The following IRF8 variants were observed in gnomAD, a reference collection of about 807,000 sequenced individuals.
IRF8 encodes the protein interferon consensus sequence binding protein 1.
In IRF8, 14 loss-of-function variants were observed where a neutral mutation model predicts 48.7. The ratio of observed to expected loss-of-function variants is 0.29; its 90% CI spans 0.19 to 0.45. The LOEUF (loss-of-function observed/expected upper bound fraction) is 0.45, where lower values mean the gene tolerates loss of function less well. IRF8 is among the 20% of genes least tolerant of loss of function. The probability of loss-of-function intolerance (pLI) is 1.00; values close to 1 mark genes in which losing one functional copy is unlikely to be tolerated. For missense variants in IRF8, 493 were observed against 580.7 expected, an observed-to-expected ratio of 0.85 and a Z score of 1.55; for synonymous variants, 278 against 227.3, an observed-to-expected ratio of 1.22 and a Z score of -2.01.
intron 2 of IRF8, among the ~76,000 whole-genome samples, chr16:85,904,372 A>G (rs1341385229): frequency 6.6e-6 from 1 of 152,212 alleles, no homozygotes; most frequent in Non-Finnish European, 1.5e-5. Flanking sequence ...GGAGCCCATG[A>G]CAGTGCTGGA....
chr16:85,909,595 G>A (rs1034270730), intron 3 of IRF8: 2 of 249,966 alleles, frequency 8.0e-6, no homozygotes, highest in Non-Finnish European at 1.6e-5. Flanking sequence ...CATGGCCTTC[G>A]TTGTTGGAGA....
At chr16:85,919,066 GAGGGTAA>G (rs551822526) in intron 7 of IRF8, among the ~76,000 whole-genome samples, 56 of 152,300 alleles carry the variant, frequency 3.7e-4, no homozygotes, top group Non-Finnish European at 7.1e-4. Flanking sequence ...TGATTGTCGG[GAGGGTAA>G]AGGAACTTAA....
chr16:85,917,024 G>A (rs1443754743), intron 6 of IRF8, among the ~76,000 whole-genome samples: 1 of 152,190 alleles, frequency 6.6e-6, no homozygotes, highest in African/African-American at 2.4e-5. Context: ...AGCATGGCTG[G>A]AAATGGAGCC....
intron 1 of IRF8, among the ~76,000 whole-genome samples, chr16:85,899,576 G>A (rs1597247363): frequency 6.6e-6 from 1 of 152,274 alleles, no homozygotes; most frequent in East Asian, 1.9e-4. Context: ...TCATCCCACT[G>A]AAATTCTACC....
rs563140101 is a variant in IRF8 at position 85,920,281 on chromosome 16, C to T, written c.1104+57C>T. 6.9e-5 allele frequency: 74 copies of T among 1,075,184 alleles called. No individual in the cohort carries two copies. In the Middle Eastern group the frequency reaches 9.6e-4, roughly 14 times the overall value. The allele number at this position is 1,075,184 out of a possible 1,614,324, so 66.6% of individuals were successfully genotyped here. ...TTTTTTTTTGAGATGGAGTCTTGCT[C>T]TGTTGCCCAGGCTGGTGTGCAATGG... On this transcript the variant is annotated intron_variant, in intron 8 of 8. Coordinates refer to ENST00000268638, the MANE Select transcript of IRF8 (RefSeq NM_002163.4).
chr16:85,902,777 G>A, intron 1 of IRF8: 1 of 537,100 alleles, frequency 1.9e-6, no homozygotes, highest in Admixed American at 3.1e-5. Flanking sequence ...GCCTGCAGGG[G>A]GCTGCTGGTG....
At chr16:85,908,393 TA>T (rs945804600) in intron 2 of IRF8, among the ~76,000 whole-genome samples, 81 of 152,106 alleles carry the variant, frequency 5.3e-4, no homozygotes, top group African/African-American at 1.8e-3. Flanking sequence ...ACAGATCTAT[TA>T]AAAAAAACAC....
rs753896116 is a variant in IRF8 at position 85,921,090 on chromosome 16, T to C, written c.1105-16T>C. On this transcript the variant is annotated splice_polypyrimidine_tract_variant and intron_variant, in intron 8 of 8. Transcript: ENST00000268638. ...GCCTCCGCCTCTGCCTCTGACTTTC[T>C]GCACCTCCCATCTAGATTGAGCAGC... is the stretch of plus-strand genomic sequence containing the variant. 5 of 1,606,910 alleles carry C rather than the reference T, an allele frequency of 3.1e-6. No homozygotes were observed. In the African/African-American group the frequency reaches 6.7e-5, roughly 22 times the overall value.
intron 8 of IRF8, among the ~76,000 whole-genome samples, chr16:85,920,665 T>G (rs1905524324): frequency 6.6e-6 from 1 of 152,224 alleles, no homozygotes; most frequent in Non-Finnish European, 1.5e-5. Flanking sequence ...GGGCAAGACC[T>G]TCAATATGCG....
chr16:85,909,206 G>A (rs754048117), intron 3 of IRF8, 33 bp downstream of exon 3: 9 of 1,593,556 alleles, frequency 5.6e-6, no homozygotes, highest in Non-Finnish European at 7.7e-6. Flanking sequence ...AAACCTTCCA[G>A]AAGCTGCCCT....
Position 85,920,151 on chromosome 16 carries a change from G to C in IRF8, c.1031G>C (p.Gly344Ala). 6.2e-7 allele frequency: 1 copy of C among 1,614,126 alleles called. No individual in the cohort carries two copies. Among genetic ancestry groups the C allele is most frequent in the Non-Finnish European group, 8.5e-7 (1 of 1,180,004 alleles). The change falls in exon 8 of 9, where the codon GGC becomes GCC. Residue 344 changes from glycine (G) to alanine (A), a missense_variant. Physicochemically the swap from Gly to Ala is moderately conservative, Grantham distance 60. Around this residue, in one of 3 missense-constraint regions of IRF8, gnomAD observed 408 missense variants for 449.6 expected, o/e 0.91. Coordinates refer to ENST00000268638, the MANE Select transcript of IRF8 (RefSeq NM_002163.4). ...FYNSQGRLPD[G>A]RVVLCFGEEF... ...AACAGCCAGGGCCGGCTTCCTGACGGCAGGGTGGTGCTGTGCTTTGGGGAA... is the reference window on the plus strand; with the variant it reads ...AACAGCCAGGGCCGGCTTCCTGACGCCAGGGTGGTGCTGTGCTTTGGGGAA...
chr16:85,915,818 A>G (rs305070), intron 6 of IRF8, among the ~76,000 whole-genome samples: 20,699 of 152,164 alleles, frequency 0.14, 1,476 homozygotes, highest in Admixed American at 0.16. Flanking sequence ...CAGAGGCACA[A>G]TTTGGGGAGA....
At chr16:85,918,249 A>G (rs1905384764) in intron 6 of IRF8, 168 bp from the exon 7 acceptor site, 1 of 716,480 alleles carries the variant, frequency 1.4e-6, no homozygotes, top group Non-Finnish European at 2.3e-6. Context: ...ATTCATGCAT[A>G]TAAAAACATT....
chr16:85,913,044 A>G, intron 4 of IRF8, 87 bp from the exon 5 acceptor site: 3 of 957,460 alleles, frequency 3.1e-6, no homozygotes, highest in South Asian at 1.3e-5. Flanking sequence ...TTACTTACAC[A>G]TGAACTGTTC....
At chr16:85,902,271 C>T (rs1368225797) in intron 1 of IRF8, among the ~76,000 whole-genome samples, 1 of 152,134 alleles carries the variant, frequency 6.6e-6, no homozygotes, top group Non-Finnish European at 1.5e-5. Flanking sequence ...TGACATCTGG[C>T]ATGTAAGGTC....
intron 2 of IRF8, among the ~76,000 whole-genome samples, chr16:85,906,428 C>G (rs1819972447): frequency 6.6e-6 from 1 of 152,198 alleles, no homozygotes; most frequent in African/African-American, 2.4e-5. Flanking sequence ...GCTAAGTTGA[C>G]CTTTTAATGC....
At chr16:85,900,398 A>T (rs1038997662) in intron 1 of IRF8, among the ~76,000 whole-genome samples, 1 of 152,146 alleles carries the variant, frequency 6.6e-6, no homozygotes, top group African/African-American at 2.4e-5. Flanking sequence ...AGACTTATTA[A>T]TTTTTCCTGG....
chr16:85,914,784 G>A (rs1567475214), intron 6 of IRF8, among the ~76,000 whole-genome samples: 1 of 151,812 alleles, frequency 6.6e-6, no homozygotes, highest in Non-Finnish European at 1.5e-5. Flanking sequence ...GGATGAGCAG[G>A]ACCTCGTGTG....
intron 2 of IRF8, among the ~76,000 whole-genome samples, chr16:85,906,823 C>T (rs1179851229): frequency 1.3e-5 from 2 of 152,102 alleles, no homozygotes; most frequent in Admixed American, 1.3e-4. Flanking sequence ...GGGAGGGGTG[C>T]TATTGGCATC....
Sources: allele counts gnomAD v4.1 joint callset (sites outside exome capture counted in the v4.1 genomes callset), GRCh38; gene constraint gnomAD v4.1.1; regional missense constraint gnomAD v4.1.1; transcripts MANE v1.5; gene names NCBI Gene and HGNC (gene_info 2026-07-23, HGNC 2026-07-21).